Variants in KCNH7 observed in about 807,000 individuals in gnomAD.
KCNH7 encodes the protein potassium voltage-gated channel subfamily H member 7.
Under a neutral mutation model 120.8 loss-of-function variants are expected in KCNH7, and 49 were observed. The observed-to-expected ratio is 0.41, with a 90% CI of 0.32 to 0.51. The LOEUF (loss-of-function observed/expected upper bound fraction) is 0.51, where lower values mean the gene tolerates loss of function less well. KCNH7 is among the 20% of genes least tolerant of loss of function. KCNH7 has a pLI of 0.38. For missense variants in KCNH7, 1,097 were observed against 1,446.6 expected (o/e 0.76, Z 3.92); for synonymous variants, 547 against 516.1 (o/e 1.06, Z -0.81).
intron 2 of KCNH7, among the ~76,000 whole-genome samples, chr2:162,597,813 T>C (rs1694428168): frequency 6.6e-6 from 1 of 152,126 alleles, no homozygotes; most frequent in African/African-American, 2.4e-5. Context: ...ATCCCATAAG[T>C]ATATGCAATT....
rs181633450 is a variant in KCNH7 at position 162,802,032 on chromosome 2, C to G, written c.307+34505G>C. Among the ~76,000 whole-genome samples, 28 of 151,842 alleles carry G rather than the reference C, an allele frequency of 1.8e-4. No individual in the cohort carries two copies. In the East Asian group the frequency reaches 5.2e-3, roughly 28 times the overall value. On this transcript the variant is annotated intron_variant, in intron 2 of 15. Transcript: ENST00000332142. ...CAAACTTTAGTGTGCATCAGAATCA[C>G]CTAGGAATCTTAAGCCACAGATTCC...
At chr2:162,473,634 C>T (rs1689638552) in intron 6 of KCNH7, among the ~76,000 whole-genome samples, 1 of 152,122 alleles carries the variant, frequency 6.6e-6, no homozygotes, top group South Asian at 2.1e-4. Flanking sequence ...TCATTAAGGA[C>T]ATATTTATTA....
rs1300459634 is a variant in KCNH7 at position 162,473,084 on chromosome 2, GA to G, written c.1129-26642del. On this transcript the variant is annotated intron_variant, in intron 6 of 15. Coordinates refer to ENST00000332142, the MANE Select transcript of KCNH7 (RefSeq NM_033272.4). ...CGGGGCCTGTTGTGGGGTAGGGGGA[GA>G]GGGGAGGGATAGCATTAGGAGATAT... Among the ~76,000 whole-genome samples the G allele has an allele frequency of 3.9e-5, 6 of 152,112 alleles. No individual in the cohort carries two copies. In the South Asian group the frequency reaches 6.2e-4, roughly 16 times the overall value.
chr2:162,715,438 T>G (rs1687082861), intron 2 of KCNH7, among the ~76,000 whole-genome samples: 1 of 152,108 alleles, frequency 6.6e-6, no homozygotes, highest in East Asian at 1.9e-4. Context: ...CATCATGAGA[T>G]TTGGGTGGGG....
In KCNH7 at chr2:162,463,410, A is replaced by G. The variant is rs79683528; in HGVS notation, c.1129-16967T>C. Among the ~76,000 whole-genome samples, 1,307 of 151,410 alleles carry G rather than the reference A, an allele frequency of 8.6e-3. 7 individuals are homozygous for G. The highest frequency in any genetic ancestry group is 0.014 in the Middle Eastern group (4 of 294). On this transcript the variant is annotated intron_variant, in intron 6 of 15. Transcript: ENST00000332142. ...ATAAAAAAGTTTTAACAGAAGTCAG[A>G]CTTCTGCTTTATTGTTTCATCTCTA...
intron 3 of KCNH7, among the ~76,000 whole-genome samples, chr2:162,535,883 G>A (rs1363881902): frequency 1.3e-5 from 2 of 151,812 alleles, no homozygotes; most frequent in Admixed American, 6.6e-5. Context: ...AGTTTAGTGT[G>A]TAATAAAGGT....
chr2:162,646,987 T>G (rs545027541), intron 2 of KCNH7, among the ~76,000 whole-genome samples: 2 of 152,306 alleles, frequency 1.3e-5, no homozygotes, highest in South Asian at 4.1e-4. Flanking sequence ...AACCTTGTGG[T>G]AATTCATTAC....
At chr2:162,577,348 C>CCTATCTAT (rs71009364) in intron 2 of KCNH7, among the ~76,000 whole-genome samples, 11,034 of 131,208 alleles carry the variant, frequency 0.084, 504 homozygotes, top group East Asian at 0.18. Flanking sequence ...ATCTATCCAT[C>CCTATCTAT]CTATCTATCT....
intron 2 of KCNH7, among the ~76,000 whole-genome samples, chr2:162,752,903 A>AAAAAAGAGAAGAAAAG (rs1688612139): frequency 2.5e-4 from 8 of 32,022 alleles, no homozygotes; most frequent in Non-Finnish European, 2.0e-3. Context: ...TACATCTCAG[A>AAAAAAGAGAAGAAAAG]AAAAGAAAAG....
intron 6 of KCNH7, among the ~76,000 whole-genome samples, chr2:162,462,407 A>C (rs770579253): frequency 6.6e-6 from 1 of 152,020 alleles, no homozygotes; most frequent in Non-Finnish European, 1.5e-5. Flanking sequence ...ATTTTCAGTC[A>C]TCTATCACCT....
chr2:162,400,890 A>C (rs1687046802), intron 9 of KCNH7, among the ~76,000 whole-genome samples: 1 of 151,978 alleles, frequency 6.6e-6, no homozygotes, highest in African/African-American at 2.4e-5. Context: ...AGTTATAATT[A>C]GTAAAAATGT....
At chr2:162,571,546 T>A (rs1444160013) in intron 2 of KCNH7, among the ~76,000 whole-genome samples, 95 of 146,166 alleles carry the variant, frequency 6.5e-4, no homozygotes, top group Non-Finnish European at 1.1e-3. Context: ...AAAAAACTAC[T>A]TTAAAGTTCA....
chr2:162,768,444 A>G (rs1045827634), intron 2 of KCNH7, among the ~76,000 whole-genome samples: 4 of 152,136 alleles, frequency 2.6e-5, no homozygotes, highest in African/African-American at 9.7e-5. Context: ...AAAGTGCCCT[A>G]TCTTCCATCC....
chr2:162,510,046 G>A (rs1166019327), intron 5 of KCNH7, among the ~76,000 whole-genome samples: 1 of 151,584 alleles, frequency 6.6e-6, no homozygotes, highest in African/African-American at 2.4e-5. Context: ...ATTAATATAT[G>A]AGTGATGGAG....
At chr2:162,765,515 A>C (rs980912653) in intron 2 of KCNH7, among the ~76,000 whole-genome samples, 3 of 152,240 alleles carry the variant, frequency 2.0e-5, no homozygotes, top group East Asian at 1.9e-4. Flanking sequence ...CTTCATAGGG[A>C]CTAGAGGTGC....
chr2:162,481,883 C>A (rs546892897), intron 6 of KCNH7, among the ~76,000 whole-genome samples: 1 of 152,222 alleles, frequency 6.6e-6, no homozygotes, highest in South Asian at 2.1e-4. Flanking sequence ...ATGTTATGAT[C>A]CTACCTCTGA....
chr2:162,383,023 T>C (rs960127395), intron 13 of KCNH7, among the ~76,000 whole-genome samples: 1 of 151,946 alleles, frequency 6.6e-6, no homozygotes, highest in African/African-American at 2.4e-5. Flanking sequence ...TTTGTGTTTA[T>C]GGAAAAGCTA....
At chr2:162,810,271 T>C (rs1260407250) in intron 2 of KCNH7, among the ~76,000 whole-genome samples, 2 of 152,310 alleles carry the variant, frequency 1.3e-5, no homozygotes, top group East Asian at 3.9e-4. Context: ...TAATATGATA[T>C]TCATTTTACA....
rs894023630 is a variant in KCNH7 at position 162,722,813 on chromosome 2, C to CTTTTTTT, written c.307+113717_307+113723dup. Among the ~76,000 whole-genome samples, 65 of 85,090 alleles carry CTTTTTTT rather than the reference C, an allele frequency of 7.6e-4. 3 individuals are homozygous for CTTTTTTT. The highest frequency in any genetic ancestry group is 2.1e-3 in the African/African-American group (34 of 16,540). The allele number at this position is 85,090 out of a possible 152,430, so 55.8% of individuals were successfully genotyped here. Reference sequence around the variant, plus strand: ...AATCCTTTTCATTCATTCTTTTTTTCTTTTTTTTTTTTTTTTTTGCTTCTC... The same window carrying CTTTTTTT: ...AATCCTTTTCATTCATTCTTTTTTTCTTTTTTTTTTTTTTTTTTTTTTTTTGCTTCTC... On this transcript the variant is annotated intron_variant, in intron 2 of 15. Transcript: ENST00000332142.
Sources: allele counts gnomAD v4.1 joint callset (sites outside exome capture counted in the v4.1 genomes callset), GRCh38; gene constraint gnomAD v4.1.1; transcripts MANE v1.5; gene names NCBI Gene and HGNC (gene_info 2026-07-23, HGNC 2026-07-21).